The following HCRTR2 variants were observed in gnomAD, a reference collection of about 807,000 sequenced individuals.
The protein encoded by HCRTR2 is hypocretin receptor 2, also known as orexin receptor type 2.
A neutral mutation model predicts 49.0 loss-of-function variants in HCRTR2; 22 were observed. The ratio of observed to expected loss-of-function variants is 0.45; its 90% CI spans 0.32 to 0.64. The LOEUF (loss-of-function observed/expected upper bound fraction) is 0.64, where lower values mean the gene tolerates loss of function less well. Ranked by LOEUF, HCRTR2 falls within the 30% of genes least tolerant of loss-of-function variation. The probability of loss-of-function intolerance (pLI) is 0.04; values close to 1 mark genes in which losing one functional copy is unlikely to be tolerated. For missense variants in HCRTR2, 491 were observed against 559.4 expected (o/e 0.88, Z 1.23); for synonymous variants, 236 against 205.3 (o/e 1.15, Z -1.28).
At chr6:55,238,710 A>T (rs1392130421) in intron 1 of HCRTR2, among the ~76,000 whole-genome samples, 1 of 151,624 alleles carries the variant, frequency 6.6e-6, no homozygotes, top group Non-Finnish European at 1.5e-5. Flanking sequence ...TATAACTTTG[A>T]ATTATAATAT....
At chr6:55,181,966 A>G (rs1183463845) in intron 1 of HCRTR2, among the ~76,000 whole-genome samples, 1 of 152,236 alleles carries the variant, frequency 6.6e-6, no homozygotes. Context: ...TTCAGTTATC[A>G]TAGTCTTTTT....
chr6:55,255,448 G>A (rs1581860047), intron 3 of HCRTR2, 69 bp downstream of exon 3: 3 of 1,554,404 alleles, frequency 1.9e-6, no homozygotes, highest in Middle Eastern at 1.7e-4. Context: ...GATTAGCATA[G>A]CCATTGTAAA....
chr6:55,192,765 A>G (rs1424462626), intron 1 of HCRTR2, among the ~76,000 whole-genome samples: 2 of 152,162 alleles, frequency 1.3e-5, no homozygotes, highest in East Asian at 3.9e-4. Flanking sequence ...ATGTTAATCT[A>G]CATACTCAAT....
intron 1 of HCRTR2, among the ~76,000 whole-genome samples, chr6:55,192,780 G>A (rs1168808369): frequency 3.9e-5 from 6 of 152,038 alleles, no homozygotes; most frequent in South Asian, 2.1e-4. Context: ...CTCAATCTAC[G>A]TAACAACTGG....
chr6:55,108,618 G>C (rs1037583656), intron 1 of HCRTR2, among the ~76,000 whole-genome samples: 1 of 151,870 alleles, frequency 6.6e-6, no homozygotes, highest in Non-Finnish European at 1.5e-5. Flanking sequence ...GAATATAAAA[G>C]TAGAAGCAGC....
chr6:55,277,850 C>G (rs1767108702), intron 5 of HCRTR2, among the ~76,000 whole-genome samples: 1 of 152,160 alleles, frequency 6.6e-6, no homozygotes, highest in Admixed American at 6.5e-5. Flanking sequence ...TTTCTCCAAT[C>G]TCTTCAAGCT....
chr6:55,121,336 T>C (rs370724167), intron 1 of HCRTR2, among the ~76,000 whole-genome samples: 9 of 151,896 alleles, frequency 5.9e-5, no homozygotes, highest in African/African-American at 2.2e-4. Flanking sequence ...TATCCTGAGA[T>C]TTTGCTGAAG....
rs573236707 is a variant in HCRTR2 at position 55,232,673 on chromosome 6, G to C, written c.224-15966G>C. 2.6e-5 allele frequency among the ~76,000 whole-genome samples: 4 copies of C among 152,254 alleles called. No homozygotes were observed. In the South Asian group the frequency reaches 8.3e-4, roughly 32 times the overall value. ...GAAGAACTTTATTAAGTTTTATTTG[G>C]TTGAAAAATCTATAATTTTTAGTGA... On this transcript the variant is annotated intron_variant, in intron 1 of 6. Coordinates refer to ENST00000370862, the MANE Select transcript of HCRTR2 (RefSeq NM_001384272.1).
chr6:55,117,211 A>G (rs1269210188), intron 1 of HCRTR2, among the ~76,000 whole-genome samples: 2 of 151,846 alleles, frequency 1.3e-5, no homozygotes, highest in Non-Finnish European at 2.9e-5. Flanking sequence ...TTGAGTACAA[A>G]TTTATAATCT....
intron 1 of HCRTR2, among the ~76,000 whole-genome samples, chr6:55,140,039 C>G (rs1764485820): frequency 6.6e-6 from 1 of 152,160 alleles, no homozygotes; most frequent in Non-Finnish European, 1.5e-5. Context: ...AAAGCTGCAT[C>G]TCGGGATATG....
chr6:55,222,411 A>G (rs967173384), intron 1 of HCRTR2, among the ~76,000 whole-genome samples: 2 of 152,168 alleles, frequency 1.3e-5, no homozygotes, highest in African/African-American at 4.8e-5. Flanking sequence ...ATAAAACTAT[A>G]CGATCCAGTA....
intron 1 of HCRTR2, among the ~76,000 whole-genome samples, chr6:55,191,755 A>G (rs908591171): frequency 6.6e-6 from 1 of 150,550 alleles, no homozygotes; most frequent in Non-Finnish European, 1.5e-5. Context: ...ACTGGTCTAC[A>G]CTAAGAGTTT....
rs1489664914 is a variant in HCRTR2 at position 55,193,409 on chromosome 6, C to A, written c.223+18599C>A. On this transcript the variant is annotated intron_variant, in intron 1 of 6. Transcript: ENST00000370862. ...ATGACAGGAGGGTCAAAAGAAAAAGCCGACAGTGTTGCAGAGGCAGGGCAT... is the reference window on the plus strand; with the variant it reads ...ATGACAGGAGGGTCAAAAGAAAAAGACGACAGTGTTGCAGAGGCAGGGCAT... Among the ~76,000 whole-genome samples the A allele has an allele frequency of 3.3e-5, 5 of 152,040 alleles. No homozygotes were observed. In the East Asian group the frequency reaches 9.6e-4, roughly 29 times the overall value.
intron 1 of HCRTR2, among the ~76,000 whole-genome samples, chr6:55,211,163 A>G (rs1215683779): frequency 6.6e-6 from 1 of 152,132 alleles, no homozygotes; most frequent in African/African-American, 2.4e-5. Context: ...AGCATACCCT[A>G]TGATGTTTGC....
intron 1 of HCRTR2, among the ~76,000 whole-genome samples, chr6:55,189,349 G>T (rs1765277594): frequency 6.6e-6 from 1 of 152,128 alleles, no homozygotes; most frequent in Non-Finnish European, 1.5e-5. Context: ...GGCAGTTGTT[G>T]TGAGAATGAA....
At chr6:55,199,729 A>G (rs1765477886) in intron 1 of HCRTR2, among the ~76,000 whole-genome samples, 1 of 152,172 alleles carries the variant, frequency 6.6e-6, no homozygotes, top group Non-Finnish European at 1.5e-5. Flanking sequence ...TAATTTGGGG[A>G]AAATTTAAAG....
At chr6:55,147,022 T>A (rs1401431823) in intron 1 of HCRTR2, among the ~76,000 whole-genome samples, 5 of 152,166 alleles carry the variant, frequency 3.3e-5, no homozygotes, top group African/African-American at 9.7e-5. Context: ...GAAATTTTTT[T>A]AAAAATCCCA....
chr6:55,220,019 T>A (rs1173695811), intron 1 of HCRTR2, among the ~76,000 whole-genome samples: 1 of 151,926 alleles, frequency 6.6e-6, no homozygotes, highest in African/African-American at 2.4e-5. Flanking sequence ...TCTGAACAGA[T>A]CTGTAACTAG....
intron 3 of HCRTR2, among the ~76,000 whole-genome samples, chr6:55,262,748 ATATG>A (rs1766790694): frequency 9.5e-6 from 1 of 105,762 alleles, no homozygotes; most frequent in African/African-American, 4.1e-5. Context: ...GAATATATAT[ATATG>A]TATTAGGTAG....
Sources: allele counts gnomAD v4.1 joint callset (sites outside exome capture counted in the v4.1 genomes callset), GRCh38; gene constraint gnomAD v4.1.1; transcripts MANE v1.5; gene names NCBI Gene and HGNC (gene_info 2026-07-23, HGNC 2026-07-21).